The following GTPBP4 variants were observed in gnomAD, a reference collection of about 807,000 sequenced individuals.
GTPBP4 encodes the protein GTP binding protein 4, also known as GTP-binding protein 4.
GTPBP4 carries 15 observed loss-of-function variants against 81.7 expected under a neutral mutation model. The observed-to-expected ratio is 0.18, with a 90% CI of 0.12 to 0.28. GTPBP4 has a LOEUF of 0.28. GTPBP4 is among the 10% of genes least tolerant of loss of function. The pLI, the probability that GTPBP4 is intolerant of heterozygous loss-of-function variation, is 1.00. For missense variants in GTPBP4, 847 were observed against 793.8 expected, an observed-to-expected ratio of 1.07 and a Z score of -0.81; for synonymous variants, 272 against 274.6, an observed-to-expected ratio of 0.99 and a Z score of 0.09.
intron 6 of GTPBP4, 32 bp from the exon 7 acceptor site, chr10:1,000,645 G>A (rs1013675943): frequency 7.2e-7 from 1 of 1,386,082 alleles, no homozygotes; most frequent in Non-Finnish European, 9.7e-7. Flanking sequence ...GTGGGTGAGT[G>A]TGCTTTCAGT....
chr10:992,647 C>T lies in GTPBP4; in HGVS notation c.207C>T (p.Phe69=), dbSNP rs762274616. 2.0e-5 allele frequency: 32 copies of T among 1,603,272 alleles called. No individual in the cohort carries two copies. Among genetic ancestry groups the T allele is most frequent in the Middle Eastern group, 3.3e-4 (2 of 6,048 alleles). ...GACTTTCACAAATTCTAACAGATTT[C>T]CCCAAATTGGATGTAAGTGACTTAG... ...HDRLSQILTD[F]PKLDDIHPFY... is the part of the protein sequence containing the mutation. The change falls in exon 2 of 17, where the codon TTC becomes TTT. Residue 69 remains phenylalanine (F), a synonymous_variant. Coordinates refer to ENST00000360803, the MANE Select transcript of GTPBP4 (RefSeq NM_012341.3).
At chr10:1,004,829 G>A (rs1158912071) in intron 8 of GTPBP4, among the ~76,000 whole-genome samples, 1 of 152,124 alleles carries the variant, frequency 6.6e-6, no homozygotes, top group Admixed American at 6.5e-5. Flanking sequence ...TTAGCCTCAG[G>A]GATGAAGGGG....
At chr10:1,009,928 A>G (rs7070545) in intron 12 of GTPBP4, among the ~76,000 whole-genome samples, 44,447 of 151,760 alleles carry the variant, frequency 0.29, 7,262 homozygotes, top group Non-Finnish European at 0.37. Flanking sequence ...CTAGGAGGAC[A>G]AGGCTGCAGT....
intron 4 of GTPBP4, chr10:996,605 C>T (rs1317378929): frequency 6.1e-6 from 1 of 165,254 alleles, no homozygotes; most frequent in Non-Finnish European, 1.3e-5. Flanking sequence ...TACTAGGATT[C>T]TGTTGAAACA....
rs182912974 is a variant in GTPBP4, at chr10:1,009,287, T to C, written c.1192-242T>C. Among the ~76,000 whole-genome samples the C allele has an allele frequency of 7.2e-5, 11 of 152,272 alleles. No homozygotes were observed. In the East Asian group the frequency reaches 1.9e-3, roughly 27 times the overall value. On this transcript the variant is annotated intron_variant, in intron 11 of 16. Coordinates refer to ENST00000360803, the MANE Select transcript of GTPBP4 (RefSeq NM_012341.3). ...CAGATGGCCAGAAACAGCCTCTTCCTACCAGAACCTAAAGGCCGGCCCCAC... is the reference window on the plus strand; with the variant it reads ...CAGATGGCCAGAAACAGCCTCTTCCCACCAGAACCTAAAGGCCGGCCCCAC...
rs1452974661 is a variant in GTPBP4 at position 1,018,516 on chromosome 10, A to T, written c.*1289A>T. 6.7e-6 allele frequency: 1 copy of T among 150,156 alleles called. No individual in the cohort carries two copies. Among genetic ancestry groups the T allele is most frequent in the Non-Finnish European group, 1.5e-5 (1 of 67,608 alleles). 9.3% of individuals were successfully genotyped at this position (150,156 alleles called of 1,614,324 possible). A position where few individuals can be genotyped will look rare whatever the true frequency, so the allele number is the denominator to read the frequency against. ...ACATATAGTTTACTTTGTGTTAAAC[A>T]ACAACAGTATGGCCGGGCGCGGCAG... On this transcript the variant is annotated 3_prime_UTR_variant, in exon 17 of 17. Coordinates refer to ENST00000360803, the MANE Select transcript of GTPBP4 (RefSeq NM_012341.3).
intron 15 of GTPBP4, among the ~76,000 whole-genome samples, chr10:1,015,129 T>C (rs937625750): frequency 3.3e-5 from 5 of 149,526 alleles, no homozygotes; most frequent in Non-Finnish European, 5.9e-5. Flanking sequence ...TCTAAGTTTC[T>C]TTAAGTGGAG....
intron 10 of GTPBP4, chr10:1,008,314 A>G (rs968535104): frequency 5.4e-6 from 2 of 368,784 alleles, no homozygotes; most frequent in Non-Finnish European, 1.1e-5. Flanking sequence ...CTGAGGCGGG[A>G]GAATCGTTTG....
rs780995750 is a variant in GTPBP4 at position 1,012,568 on chromosome 10, T to A, written c.1448T>A (p.Leu483Gln). The A allele has an allele frequency of 1.2e-4, 186 of 1,613,802 alleles. 1 individual carries two copies. In the Admixed American group the frequency reaches 3.1e-3, roughly 27 times the overall value. Residue 483 changes from leucine to glutamine, a missense_variant, in exon 14 of 17, where the codon CTG becomes CAG. Around this residue, in one of 3 missense-constraint regions of GTPBP4, gnomAD observed 600 missense variants for 557.1 expected, o/e 1.08. Coordinates refer to ENST00000360803, the MANE Select transcript of GTPBP4 (RefSeq NM_012341.3). ...EDEEMLEIRQ[L>Q]AKQIREKKKL... ...GAAGAGATGCTGGAAATCCGACAGC[T>A]GGCAAAGCAAATTCGAGAGAAAAAG...
chr10:1,018,939 G>A lies in GTPBP4; in HGVS notation c.*1712G>A, dbSNP rs140153834. The A allele has an allele frequency of 3.3e-5, 5 of 152,438 alleles. No homozygotes were observed. The highest frequency in any genetic ancestry group is 1.2e-4 in the African/African-American group (5 of 41,410). The allele number at this position is 152,438 out of a possible 1,614,324, so 9.4% of individuals were successfully genotyped here. On this transcript the variant is annotated 3_prime_UTR_variant, in exon 17 of 17. Coordinates refer to ENST00000360803, the MANE Select transcript of GTPBP4 (RefSeq NM_012341.3). ...AAAGCAAGTATGTCTTTATTTGTAA[G>A]CATATTACTGAAACGATCAAATGAA...
chr10:1,012,121 T>C (rs1831888986), intron 13 of GTPBP4, among the ~76,000 whole-genome samples: 1 of 152,214 alleles, frequency 6.6e-6, no homozygotes, highest in African/African-American at 2.4e-5. Flanking sequence ...GAAATCAGTG[T>C]CTCAGGACTG....
chr10:1,003,171 C>T (rs1831669232), intron 8 of GTPBP4, among the ~76,000 whole-genome samples: 1 of 152,106 alleles, frequency 6.6e-6, no homozygotes, highest in African/African-American at 2.4e-5. Flanking sequence ...TCTGCTTCAT[C>T]CAGTGTGCTG....
intron 5 of GTPBP4, 120 bp downstream of exon 5, chr10:997,428 C>A: frequency 1.3e-6 from 1 of 741,300 alleles, no homozygotes. Context: ...ATTCTGACTG[C>A]GTGGGATTCA....
In GTPBP4 at chr10:997,264, T is replaced by C; in HGVS notation, c.517T>C (p.Leu173=). ...TGATCCGAATACCAGGACCCTGCTT[T>C]TGTGTGGGTACCCAAATGTTGGGAA... The part of the protein sequence containing the change: ...TIDPNTRTLL[L]CGYPNVGKSS... The change falls in exon 5 of 17, where the codon TTG becomes CTG. Residue 173 remains leucine, a synonymous_variant. Coordinates refer to ENST00000360803, the MANE Select transcript of GTPBP4 (RefSeq NM_012341.3). 1 of 1,609,906 alleles carries C rather than the reference T, an allele frequency of 6.2e-7. No individual in the cohort carries two copies. The highest frequency in any genetic ancestry group is 2.2e-5 in the East Asian group (1 of 44,878).
intron 1 of GTPBP4, among the ~76,000 whole-genome samples, chr10:991,069 C>G (rs1831433312): frequency 6.6e-6 from 1 of 151,940 alleles, no homozygotes; most frequent in Admixed American, 6.6e-5. Context: ...GTGTGTGCCC[C>G]TTATAGTACT....
intron 8 of GTPBP4, among the ~76,000 whole-genome samples, chr10:1,002,872 C>T (rs1831661033): frequency 6.6e-6 from 1 of 152,248 alleles, no homozygotes; most frequent in Admixed American, 6.5e-5. Flanking sequence ...GACAGTTTGA[C>T]TATAATGTGC....
chr10:1,001,829 T>C (rs1002773115), intron 8 of GTPBP4, among the ~76,000 whole-genome samples: 1 of 152,150 alleles, frequency 6.6e-6, no homozygotes, highest in Non-Finnish European at 1.5e-5. Flanking sequence ...TCCTGGAGAA[T>C]GTTTCATGGA....
chr10:1,016,966 G>A (rs981252332), intron 16 of GTPBP4, 109 bp from the exon 17 acceptor site: 13 of 797,646 alleles, frequency 1.6e-5, no homozygotes, highest in South Asian at 5.5e-5. Context: ...GGGTCTCTTC[G>A]CTGAGCAGAC....
intron 11 of GTPBP4, 24 bp downstream of exon 11, chr10:1,009,059 A>G (rs1831803299): frequency 6.4e-7 from 1 of 1,553,998 alleles, no homozygotes; most frequent in Non-Finnish European, 8.9e-7. Flanking sequence ...GCTCTCGCCC[A>G]GTGTTCTCAT....
Sources: allele counts gnomAD v4.1 joint callset (sites outside exome capture counted in the v4.1 genomes callset), GRCh38; gene constraint gnomAD v4.1.1; regional missense constraint gnomAD v4.1.1; transcripts MANE v1.5; gene names NCBI Gene and HGNC (gene_info 2026-07-23, HGNC 2026-07-21).